Variants in SDK1 observed in about 807,000 individuals in gnomAD.
The protein encoded by SDK1 is protein sidekick-1.
In SDK1, 157 loss-of-function variants were observed where a neutral mutation model predicts 245.5. The ratio of observed to expected loss-of-function variants is 0.64; its 90% confidence interval spans 0.56 to 0.73. The LOEUF (loss-of-function observed/expected upper bound fraction) is 0.73, where lower values mean the gene tolerates loss of function less well. Among genes scored for constraint, SDK1 ranks in the 30% least tolerant of loss-of-function variants. The pLI is 0.00. For missense variants in SDK1, 3,583 were observed against 3,002.3 expected (o/e 1.19, Z -4.52); for synonymous variants, 1,647 against 1,278.5 (o/e 1.29, Z -6.15).
At chr7:4,029,307 G>A (rs1284077087) in intron 17 of SDK1, among the ~76,000 whole-genome samples, 1 of 146,178 alleles carries the variant, frequency 6.8e-6, no homozygotes, top group Admixed American at 6.8e-5. Context: ...CACTTCTTGG[G>A]TAAAGCAATT....
intron 8 of SDK1, among the ~76,000 whole-genome samples, chr7:3,962,222 G>A (rs181696119): frequency 7.9e-5 from 12 of 152,300 alleles, no homozygotes; most frequent in East Asian, 1.9e-4. Context: ...GACACTGTCC[G>A]CGAGGCATGG....
rs1423465045 is a variant in SDK1 at position 3,569,443 on chromosome 7, A to G, written c.299-49637A>G. ...TAATCATGGTGCTGGGAGGAGAAGG[A>G]TATTTCTCTTGAGAAGTCTGGAGGA... On this transcript the variant is annotated intron_variant, in intron 1 of 44. Coordinates refer to ENST00000404826, the MANE Select transcript of SDK1 (RefSeq NM_152744.4). Among the ~76,000 whole-genome samples, 2 of 152,342 alleles carry G rather than the reference A, an allele frequency of 1.3e-5. 1 individual carries two copies. Among genetic ancestry groups the G allele is most frequent in the South Asian group, 4.1e-4 (2 of 4,824 alleles).
chr7:4,182,252 C>T (rs1308072401), intron 35 of SDK1, among the ~76,000 whole-genome samples: 1 of 152,182 alleles, frequency 6.6e-6, no homozygotes, highest in Non-Finnish European at 1.5e-5. Flanking sequence ...GTCCCCCTCC[C>T]TCTAGGCGGG....
intron 1 of SDK1, among the ~76,000 whole-genome samples, chr7:3,558,210 C>G (rs1779646796): frequency 6.6e-6 from 1 of 152,202 alleles, no homozygotes; most frequent in African/African-American, 2.4e-5. Context: ...AAAGAAATTA[C>G]TTGAGCAAAA....
intron 1 of SDK1, among the ~76,000 whole-genome samples, chr7:3,614,263 A>C (rs1469976875): frequency 1.3e-5 from 2 of 152,198 alleles, no homozygotes; most frequent in African/African-American, 4.8e-5. Flanking sequence ...TAAGAATAGA[A>C]CACTTTCTAT....
chr7:3,835,242 G>A (rs897942557), intron 5 of SDK1, among the ~76,000 whole-genome samples: 6 of 152,146 alleles, frequency 3.9e-5, no homozygotes, highest in African/African-American at 1.4e-4. Flanking sequence ...TTAGTAAGGT[G>A]CCCGAAGATA....
intron 5 of SDK1, among the ~76,000 whole-genome samples, chr7:3,887,586 A>G (rs1375381803): frequency 2.6e-5 from 4 of 152,206 alleles, no homozygotes; most frequent in Admixed American, 2.6e-4. Context: ...CAAGGTTGCT[A>G]TTGCTAATAA....
chr7:4,117,162 A>G (rs1046070737), intron 25 of SDK1, among the ~76,000 whole-genome samples: 1 of 152,206 alleles, frequency 6.6e-6, no homozygotes, highest in South Asian at 2.1e-4. Context: ...GATAAAATAT[A>G]ACTTTCTGGA....
intron 28 of SDK1, among the ~76,000 whole-genome samples, chr7:4,136,850 T>C (rs1424325390): frequency 2.0e-5 from 3 of 152,244 alleles, no homozygotes; most frequent in Non-Finnish European, 4.4e-5. Context: ...GTATGATCCC[T>C]GTTGGCAGAT....
chr7:3,859,538 C>A (rs962832252), intron 5 of SDK1, among the ~76,000 whole-genome samples: 2 of 152,114 alleles, frequency 1.3e-5, no homozygotes, highest in Non-Finnish European at 2.9e-5. Flanking sequence ...CTCTACCATT[C>A]TCAGCATTGG....
At chr7:4,107,536 G>T (rs1264783995) in intron 22 of SDK1, among the ~76,000 whole-genome samples, 1 of 150,668 alleles carries the variant, frequency 6.6e-6, no homozygotes, top group African/African-American at 2.5e-5. Flanking sequence ...AAATCGCCCA[G>T]TGCTTTGGTT....
chr7:3,511,488 T>C (rs778065933), intron 1 of SDK1, among the ~76,000 whole-genome samples: 2 of 152,202 alleles, frequency 1.3e-5, no homozygotes, highest in Non-Finnish European at 2.9e-5. Flanking sequence ...TCCTGTTTAA[T>C]GAACATTTAA....
chr7:4,018,627 C>A (rs1382544247), intron 17 of SDK1, among the ~76,000 whole-genome samples: 1 of 152,194 alleles, frequency 6.6e-6, no homozygotes. Context: ...TTAGTAATCC[C>A]TTATTACTAT....
At chr7:4,141,950 T>C (rs982400094) in intron 28 of SDK1, among the ~76,000 whole-genome samples, 1 of 151,360 alleles carries the variant, frequency 6.6e-6, no homozygotes, top group East Asian at 1.9e-4. Flanking sequence ...AGAGGCGGGG[T>C]TTCACCATCT....
rs150977540 is a variant in SDK1, at chr7:3,683,599, C to G, written c.713+41494C>G. Among the ~76,000 whole-genome samples the G allele has an allele frequency of 8.4e-3, 1,285 of 152,334 alleles. 8 individuals are homozygous for G. The highest frequency in any genetic ancestry group is 0.013 in the Non-Finnish European group (910 of 68,030). ...CCATCCAGGTGGAGCAGCCCCGTTC[C>G]TCCCAGGTCCTCCACCTCACAGCTA... On this transcript the variant is annotated intron_variant, in intron 4 of 44. Transcript: ENST00000404826.
intron 13 of SDK1, 78 bp downstream of exon 13, chr7:3,974,623 A>T: frequency 7.2e-7 from 1 of 1,380,306 alleles, no homozygotes; most frequent in Non-Finnish European, 1.0e-6. Context: ...CTGCCACTTC[A>T]CAAGTGTCAC....
chr7:3,754,491 A>G (rs901114424), intron 4 of SDK1, among the ~76,000 whole-genome samples: 4 of 151,996 alleles, frequency 2.6e-5, no homozygotes, highest in African/African-American at 4.8e-5. Context: ...GAGATATTCT[A>G]TCAAGGTCAG....
In SDK1 at chr7:3,972,618, G is replaced by GGGGCACAGTGCATGAGTCGAAT. The variant is rs1234262839; in HGVS notation, c.1817+1056_1817+1077dup. Among the ~76,000 whole-genome samples, 16 of 152,338 alleles carry GGGGCACAGTGCATGAGTCGAAT rather than the reference G, an allele frequency of 1.1e-4. No individual in the cohort carries two copies. In the East Asian group the frequency reaches 2.9e-3, roughly 28 times the overall value. Reference sequence around the variant, plus strand: ...TTTCCACTCTGGCCTTAGCCCAGAAGGGGCACAGTGCATGAGTCGAATGGG... The same window carrying GGGGCACAGTGCATGAGTCGAAT: ...TTTCCACTCTGGCCTTAGCCCAGAAGGGGCACAGTGCATGAGTCGAATGGGCACAGTGCATGAGTCGAATGGG... On this transcript the variant is annotated intron_variant, in intron 12 of 44. Coordinates refer to ENST00000404826, the MANE Select transcript of SDK1 (RefSeq NM_152744.4).
intron 14 of SDK1, among the ~76,000 whole-genome samples, chr7:4,008,944 T>A (rs558111773): frequency 5.8e-4 from 89 of 152,322 alleles, no homozygotes; most frequent in African/African-American, 2.0e-3. Context: ...CTATGGTAAT[T>A]CTGTCTTAAT....
Sources: gnomAD v4.1 joint callset for allele counts (sites outside exome capture counted in the v4.1 genomes callset) on GRCh38, gnomAD v4.1.1 for gene constraint, MANE v1.5 for transcripts, NCBI Gene and HGNC (gene_info 2026-07-23, HGNC 2026-07-21) for gene names.